P2RY8: variants seen among roughly 807,000 people sequenced by gnomAD.
P2RY8 encodes the protein P2Y receptor family member 8.
Under a neutral mutation model 10.0 loss-of-function variants are expected in P2RY8, and 6 were observed. That is an observed-to-expected ratio of 0.60 (90% confidence interval 0.33 to 1.19). The LOEUF (loss-of-function observed/expected upper bound fraction) is 1.19, where lower values mean the gene tolerates loss of function less well. P2RY8 is among the 50% of genes most tolerant of loss of function. The pLI is 0.04. For missense variants in P2RY8, 456 were observed against 542.0 expected, an observed-to-expected ratio of 0.84 and a Z score of 1.58; for synonymous variants, 276 against 252.5, an observed-to-expected ratio of 1.09 and a Z score of -0.88.
chrX:1,466,544 G>T lies in P2RY8; in HGVS notation c.15C>A (p.Asn5Lys). The T allele has an allele frequency of 6.2e-7, 1 of 1,606,740 alleles. No individual in the cohort carries two copies. Residue 5 changes from asparagine to lysine, a missense_variant, in exon 2 of 2, where the codon AAC (asparagine) becomes AAA (lysine). Asn to Lys is a moderately conservative substitution (Grantham distance 94, BLOSUM62 0). Coordinates refer to ENST00000381297, the MANE Select transcript of P2RY8 (RefSeq NM_178129.5). MQVP[N>K]STGPDNATLQ... ...GCGTCGCGTTGTCCGGGCCGGTGCT[G>T]TTCGGGACCTGCATCCTGGAGGGGT... is the stretch of plus-strand genomic sequence containing the variant.
intron 1 of P2RY8, among the ~76,000 whole-genome samples, chrX:1,504,315 CAA>C (rs10657765): frequency 1.4e-5 from 2 of 147,212 alleles, no homozygotes; most frequent in Non-Finnish European, 1.5e-5. Context: ...GACTCTGTGT[CAA>C]AAAAAAAAAA....
intron 1 of P2RY8, among the ~76,000 whole-genome samples, chrX:1,524,433 C>G (rs1157091971): frequency 0.033 from 4,647 of 140,418 alleles, 470 homozygotes; most frequent in Non-Finnish European, 0.049. Context: ...ATCCATCCAT[C>G]CATCCATTCA....
At chrX:1,507,351 T>G (rs4073115) in intron 1 of P2RY8, among the ~76,000 whole-genome samples, 62,809 of 151,736 alleles carry the variant, frequency 0.41, 15,332 homozygotes, top group Middle Eastern at 0.66. Context: ...TGAACACCTG[T>G]CAGTCAGCAC....
At position 1,465,434 on chromosome X, in the gene P2RY8, ATCTCCAAGCTGCGCCCCCGGC is replaced by A. The variant is rs771363701; in HGVS notation, c.*24_*44del. ...CCGTGGCCTCTCCATGCGCCCCTGG[ATCTCCAAGCTGCGCCCCCGGC>A]TCTCCAAGCTGCGCCCCCGGGACTC... On this transcript the variant is annotated 3_prime_UTR_variant, in exon 2 of 2. Coordinates refer to ENST00000381297, the MANE Select transcript of P2RY8 (RefSeq NM_178129.5). The A allele has an allele frequency of 8.3e-5, 129 of 1,553,146 alleles. No homozygotes were observed. The highest frequency in any genetic ancestry group is 3.1e-4 in the East Asian group (14 of 44,448).
chrX:1,477,394 TTATC>T (rs201366282), intron 1 of P2RY8, among the ~76,000 whole-genome samples: 4,782 of 152,210 alleles, frequency 0.031, 251 homozygotes, highest in African/African-American at 0.11. Flanking sequence ...TATCAATTAC[TTATC>T]TATCTAGCAA....
intron 1 of P2RY8, among the ~76,000 whole-genome samples, chrX:1,499,347 G>T (rs1368382122): frequency 6.6e-6 from 1 of 151,710 alleles, no homozygotes; most frequent in Admixed American, 6.6e-5. Flanking sequence ...TATATTTTTA[G>T]TAGAGACGGG....
At chrX:1,469,676 G>A (rs1364246366) in intron 1 of P2RY8, among the ~76,000 whole-genome samples, 1 of 151,852 alleles carries the variant, frequency 6.6e-6, no homozygotes, top group African/African-American at 2.4e-5. Context: ...CAGATCACGA[G>A]GTCAGGAGAT....
At chrX:1,479,382 T>C (rs2091911246) in intron 1 of P2RY8, among the ~76,000 whole-genome samples, 1 of 152,266 alleles carries the variant, frequency 6.6e-6, no homozygotes, top group African/African-American at 2.4e-5. Context: ...CACACTCCTC[T>C]GTAAGTATTT....
Position 1,465,150 on chromosome X carries a change from A to C in P2RY8, c.*329T>G. On this transcript the variant is annotated 3_prime_UTR_variant, in exon 2 of 2. Coordinates refer to ENST00000381297, the MANE Select transcript of P2RY8 (RefSeq NM_178129.5). ...TCGGGGGTGACAGCCCAGCTCTACT[A>C]AAAAAAATACAAAAATTAGCCGGGC... 1 of 386,136 alleles carries C rather than the reference A, an allele frequency of 2.6e-6. No individual in the cohort carries two copies. Among genetic ancestry groups the C allele is most frequent in the Non-Finnish European group, 4.7e-6 (1 of 213,776 alleles). 23.9% of individuals were successfully genotyped at this position (386,136 alleles called of 1,614,324 possible).
chrX:1,532,341 T>TGTATATGATGTGTATATATACACATATAC (rs1252167818), intron 1 of P2RY8, among the ~76,000 whole-genome samples: 5 of 151,236 alleles, frequency 3.3e-5, no homozygotes, highest in African/African-American at 1.2e-4. Flanking sequence ...TACACATATA[T>TGTATATGATGTGTATATATACACATATAC]GTATATGATG....
intron 1 of P2RY8, among the ~76,000 whole-genome samples, chrX:1,504,852 G>T (rs2092215682): frequency 6.6e-6 from 1 of 152,108 alleles, no homozygotes; most frequent in African/African-American, 2.4e-5. Flanking sequence ...CCGGGCATTG[G>T]CCAGGCGTGG....
intron 1 of P2RY8, among the ~76,000 whole-genome samples, chrX:1,503,162 C>G (rs1408599714): frequency 6.6e-6 from 1 of 151,806 alleles, no homozygotes; most frequent in African/African-American, 2.4e-5. Context: ...TGGAATGACG[C>G]GGCCACAAGC....
chrX:1,520,331 C>T (rs1292534219), intron 1 of P2RY8, among the ~76,000 whole-genome samples: 1 of 151,120 alleles, frequency 6.6e-6, no homozygotes, highest in East Asian at 2.0e-4. Context: ...AGTCCTCAAT[C>T]ATCTTCTTAA....
chrX:1,499,918 G>C (rs1393257225), intron 1 of P2RY8, among the ~76,000 whole-genome samples: 1 of 151,416 alleles, frequency 6.6e-6, no homozygotes, highest in African/African-American at 2.4e-5. Flanking sequence ...GAGTGCAGTG[G>C]TGTGATCTCA....
chrX:1,497,811 G>A (rs146307821), intron 1 of P2RY8, among the ~76,000 whole-genome samples: 1,608 of 152,160 alleles, frequency 0.011, 26 homozygotes, highest in African/African-American at 0.036. Context: ...GCAGTGGGGC[G>A]GCGAGGGGCT....
At chrX:1,499,151 T>A (rs1404111054) in intron 1 of P2RY8, among the ~76,000 whole-genome samples, 1 of 139,078 alleles carries the variant, frequency 7.2e-6, no homozygotes, top group African/African-American at 2.7e-5. Context: ...TTTTTCTTTT[T>A]CTTTTTCTTT....
intron 1 of P2RY8, among the ~76,000 whole-genome samples, chrX:1,530,883 A>G (rs2092470024): frequency 6.7e-6 from 1 of 149,360 alleles, no homozygotes; most frequent in African/African-American, 2.4e-5. Flanking sequence ...TCTCTCATCT[A>G]TCTATATATC....
At chrX:1,525,140 TCTC>T (rs2092431606) in intron 1 of P2RY8, among the ~76,000 whole-genome samples, 1 of 152,212 alleles carries the variant, frequency 6.6e-6, no homozygotes, top group African/African-American at 2.4e-5. Context: ...ATAAATCCTC[TCTC>T]CTCCTCTGAT....
At chrX:1,532,056 G>T (rs1351741638) in intron 1 of P2RY8, among the ~76,000 whole-genome samples, 2 of 152,062 alleles carry the variant, frequency 1.3e-5, no homozygotes, top group African/African-American at 4.8e-5. Flanking sequence ...TCCCACTGCT[G>T]GGTATCTAGG....
Sources: allele counts gnomAD v4.1 joint callset (sites outside exome capture counted in the v4.1 genomes callset), GRCh38; gene constraint gnomAD v4.1.1; transcripts MANE v1.5; gene names NCBI Gene and HGNC (gene_info 2026-07-23, HGNC 2026-07-21).